DHX15: variants seen among roughly 807,000 people sequenced by gnomAD.
DHX15 encodes the protein ATP-dependent RNA helicase DHX15.
DHX15 carries 11 observed loss-of-function variants against 94.4 expected under a neutral mutation model. The ratio of observed to expected loss-of-function variants is 0.12; its 90% CI spans 0.07 to 0.19. The LOEUF is 0.19. Among genes scored for constraint, DHX15 ranks in the 10% least tolerant of loss-of-function variants. The probability of loss-of-function intolerance (pLI) is 1.00; values close to 1 mark genes in which losing one functional copy is unlikely to be tolerated. For missense variants in DHX15, 304 were observed against 988.5 expected, an observed-to-expected ratio of 0.31 and a Z score of 9.29; for synonymous variants, 338 against 329.9, an observed-to-expected ratio of 1.02 and a Z score of -0.27.
rs58459661 is a variant in DHX15 at position 24,550,094 on chromosome 4, C to CAAAAAAAAAAAAAAAA, written c.1081-1088_1081-1073dup. On this transcript the variant is annotated intron_variant, in intron 5 of 13. Transcript: ENST00000336812. ...GGGCAAAAAGAGGGAAACTCCGTCT[C>CAAAAAAAAAAAAAAAA]AAAAAAAAAAAAAAAAAAAAAAAAA... is the stretch of plus-strand genomic sequence containing the variant. 6.5e-3 allele frequency among the ~76,000 whole-genome samples: 321 copies of CAAAAAAAAAAAAAAAA among 49,734 alleles called. 68 individuals carry two copies. The highest frequency in any genetic ancestry group is 0.012 in the Admixed American group (38 of 3,042). The allele number at this position is 49,734 out of a possible 152,430, so 32.6% of individuals were successfully genotyped here.
chr4:24,582,734 TTC>T (rs973299066), intron 1 of DHX15, among the ~76,000 whole-genome samples: 5 of 152,192 alleles, frequency 3.3e-5, no homozygotes, highest in African/African-American at 1.2e-4. Flanking sequence ...CTTAACTCTG[TTC>T]TCCACTTCTC....
At chr4:24,551,751 C>T (rs1275666347) in intron 5 of DHX15, among the ~76,000 whole-genome samples, 1 of 152,104 alleles carries the variant, frequency 6.6e-6, no homozygotes, top group Non-Finnish European at 1.5e-5. Context: ...ACTAGGATTC[C>T]AACATTTAAG....
chr4:24,579,183 G>C (rs1722349505), intron 1 of DHX15, among the ~76,000 whole-genome samples: 1 of 152,180 alleles, frequency 6.6e-6, no homozygotes, highest in South Asian at 2.1e-4. Flanking sequence ...TCAATTTACT[G>C]ATCTGCAAAA....
At chr4:24,578,181 GA>G (rs1432324482) in intron 1 of DHX15, among the ~76,000 whole-genome samples, 18 of 152,306 alleles carry the variant, frequency 1.2e-4, no homozygotes, top group African/African-American at 4.3e-4. Flanking sequence ...CAATGGGAAA[GA>G]AAAGTCAAAG....
chr4:24,565,805 C>A (rs1721979385), intron 3 of DHX15, among the ~76,000 whole-genome samples: 1 of 152,182 alleles, frequency 6.6e-6, no homozygotes. Flanking sequence ...CACCCCTAAA[C>A]AGAGTGCCAT....
chr4:24,555,147 T>A (rs1005238257), intron 4 of DHX15, among the ~76,000 whole-genome samples: 63 of 151,932 alleles, frequency 4.1e-4, no homozygotes, highest in African/African-American at 1.5e-3. Context: ...AGAAAAAAAA[T>A]AAATGCACAA....
chr4:24,538,663 C>T (rs927818251), intron 10 of DHX15: 1 of 152,042 alleles, frequency 6.6e-6, no homozygotes, highest in African/African-American at 2.4e-5. Flanking sequence ...AAAAACAGTC[C>T]ATTTACATTG....
chr4:24,560,229 A>G (rs572067176), intron 3 of DHX15, among the ~76,000 whole-genome samples: 3 of 151,618 alleles, frequency 2.0e-5, no homozygotes, highest in Admixed American at 6.6e-5. Flanking sequence ...ATTTATATAT[A>G]TGTATATATA....
Position 24,540,089 on chromosome 4 carries a change from G to A in DHX15, c.1786+19C>T. 1 of 1,456,414 alleles carries A rather than the reference G, an allele frequency of 6.9e-7. No individual in the cohort carries two copies. The highest frequency in any genetic ancestry group is 9.1e-7 in the Non-Finnish European group (1 of 1,099,036). 90.2% of individuals were successfully genotyped at this position (1,456,414 alleles called of 1,614,324 possible). A position where few individuals can be genotyped will look rare whatever the true frequency, so the allele number is the denominator to read the frequency against. Reference sequence around the variant, plus strand: ...ACTTTGAAGAGCTGGGCTTTTTTTTGTTCCTTTCCCTCTATTACCTGACAA... The same window carrying A: ...ACTTTGAAGAGCTGGGCTTTTTTTTATTCCTTTCCCTCTATTACCTGACAA... On this transcript the variant is annotated intron_variant, in intron 10 of 13. Transcript: ENST00000336812.
chr4:24,580,895 T>C (rs1722397609), intron 1 of DHX15: 1 of 152,168 alleles, frequency 6.6e-6, no homozygotes. Flanking sequence ...TGTATAAGGA[T>C]GTTCATCAAA....
intron 1 of DHX15, chr4:24,580,814 G>A (rs980297920): frequency 6.6e-6 from 1 of 151,958 alleles, no homozygotes; most frequent in Non-Finnish European, 1.5e-5. Flanking sequence ...CATCACACCC[G>A]GCAATAAGCA....
In DHX15 at chr4:24,550,151, G is replaced by T. The variant is rs375010289; in HGVS notation, c.1081-1129C>A. On this transcript the variant is annotated intron_variant, in intron 5 of 13. Coordinates refer to ENST00000336812, the MANE Select transcript of DHX15 (RefSeq NM_001358.3). ...GTAAAAATCAGTACACTCATATAGG[G>T]CATCTGCCATGAAAGAAGTCTGCAG... 1.3e-3 allele frequency among the ~76,000 whole-genome samples: 177 copies of T among 139,682 alleles called. 2 individuals carry two copies. Among genetic ancestry groups the T allele is most frequent in the African/African-American group, 4.1e-3 (155 of 38,014 alleles). 91.6% of individuals were successfully genotyped at this position (139,682 alleles called of 152,430 possible).
intron 1 of DHX15, among the ~76,000 whole-genome samples, chr4:24,583,791 T>C (rs1722536707): frequency 6.7e-6 from 1 of 149,418 alleles, no homozygotes. Context: ...GCCACCCCCA[T>C]CCCAGCCTAC....
intron 12 of DHX15, among the ~76,000 whole-genome samples, chr4:24,531,158 G>A (rs1012164443): frequency 1.3e-5 from 2 of 150,772 alleles, no homozygotes; most frequent in Non-Finnish European, 1.5e-5. Context: ...GCGCTATCTC[G>A]GCTCACTGCA....
intron 10 of DHX15, chr4:24,538,210 A>C (rs973187508): frequency 6.6e-6 from 1 of 152,206 alleles, no homozygotes; most frequent in Non-Finnish European, 1.5e-5. Flanking sequence ...AAACCTTGTC[A>C]ATGAAAAAAT....
chr4:24,577,123 T>G (rs1276096607), intron 1 of DHX15, among the ~76,000 whole-genome samples: 2 of 152,248 alleles, frequency 1.3e-5, no homozygotes, highest in Non-Finnish European at 2.9e-5. Flanking sequence ...ACACTGCTAC[T>G]GGAGATAAAG....
chr4:24,569,702 T>C lies in DHX15; in HGVS notation c.701+952A>G, dbSNP rs188384952. Reference sequence around the variant, plus strand: ...GACAACAAAGACTCATATCACTGCCTACACAACGCTCCAAAATGGTTTTTA... The same window carrying C: ...GACAACAAAGACTCATATCACTGCCCACACAACGCTCCAAAATGGTTTTTA... On this transcript the variant is annotated intron_variant, in intron 3 of 13. Coordinates refer to ENST00000336812, the MANE Select transcript of DHX15 (RefSeq NM_001358.3). 2.1e-3 allele frequency among the ~76,000 whole-genome samples: 315 copies of C among 151,632 alleles called. 2 individuals carry two copies. The highest frequency in any genetic ancestry group is 7.4e-3 in the African/African-American group (305 of 41,422).
chr4:24,555,933 T>A (rs908130357), intron 4 of DHX15, among the ~76,000 whole-genome samples: 9 of 150,650 alleles, frequency 6.0e-5, no homozygotes, highest in African/African-American at 2.2e-4. Context: ...AAAGATTTGA[T>A]CCTTAAGTAA....
chr4:24,547,348 G>A (rs1477866708), intron 6 of DHX15, among the ~76,000 whole-genome samples: 1 of 152,220 alleles, frequency 6.6e-6, no homozygotes, highest in African/African-American at 2.4e-5. Context: ...AGCCACTGCT[G>A]AGTCACTCTT....
Sources: allele counts gnomAD v4.1 joint callset (sites outside exome capture counted in the v4.1 genomes callset), GRCh38; gene constraint gnomAD v4.1.1; transcripts MANE v1.5; gene names NCBI Gene and HGNC (gene_info 2026-07-23, HGNC 2026-07-21).